CD163L1: variants seen among roughly 807,000 people sequenced by gnomAD.
CD163L1 encodes the protein CD163 molecule like 1, also known as scavenger receptor cysteine-rich type 1 protein M160.
A neutral mutation model predicts 165.4 loss-of-function variants in CD163L1; 124 were observed. The observed-to-expected ratio is 0.75, with a 90% CI of 0.65 to 0.87. CD163L1 has a LOEUF of 0.87. CD163L1 is among the 40% of genes least tolerant of loss of function. The pLI is 0.00. For missense variants in CD163L1, 1,525 were observed against 1,799.9 expected, an observed-to-expected ratio of 0.85 and a Z score of 2.76; for synonymous variants, 585 against 662.2, an observed-to-expected ratio of 0.88 and a Z score of 1.79.
chr12:7,378,960 T>A lies in CD163L1; in HGVS notation c.2371+18A>T, dbSNP rs1947327116. ...ATAAATAATTAAATAAATGTGTTTA[T>A]CTTTGTCCAGAAATTACCTGAGCAG... is the stretch of plus-strand genomic sequence containing the variant. On this transcript the variant is annotated intron_variant, in intron 9 of 19. Transcript: ENST00000313599. 1 of 1,585,032 alleles carries A rather than the reference T, an allele frequency of 6.3e-7. No homozygotes were observed. Among genetic ancestry groups the A allele is most frequent in the African/African-American group, 1.4e-5 (1 of 73,934 alleles).
At chr12:7,381,053 C>T (rs919776886) in intron 8 of CD163L1, among the ~76,000 whole-genome samples, 6 of 152,010 alleles carry the variant, frequency 3.9e-5, no homozygotes, top group African/African-American at 1.4e-4. Flanking sequence ...TAATTAAAAA[C>T]TATAAATGGT....
chr12:7,401,621 T>C (rs1947916866), intron 6 of CD163L1, among the ~76,000 whole-genome samples: 2 of 152,098 alleles, frequency 1.3e-5, no homozygotes, highest in Non-Finnish European at 2.9e-5. Context: ...AAATAAATTA[T>C]AGTACATTTA....
chr12:7,370,534 A>G (rs1261257662), intron 14 of CD163L1, among the ~76,000 whole-genome samples: 3 of 152,210 alleles, frequency 2.0e-5, no homozygotes, highest in Non-Finnish European at 4.4e-5. Context: ...GTTTCAGTAG[A>G]TAATTAACTT....
At chr12:7,396,444 T>C in intron 7 of CD163L1, 29 bp from the exon 8 acceptor site, 1 of 1,559,390 alleles carries the variant, frequency 6.4e-7, no homozygotes, top group Non-Finnish European at 8.7e-7. Context: ...AGCAAGTAGT[T>C]AATGGGTGTG....
Position 7,374,705 on chromosome 12 carries a change from A to G in CD163L1, c.3146T>C (p.Val1049Ala). 6.2e-7 allele frequency: 1 copy of G among 1,613,378 alleles called. No individual in the cohort carries two copies. The highest frequency in any genetic ancestry group is 8.5e-7 in the Non-Finnish European group (1 of 1,179,862). The change falls in exon 13 of 20, where the codon GTA becomes GCA. Residue 1049 changes from valine (V) to alanine (A), a missense_variant. Physicochemically the swap from Val to Ala is moderately conservative, Grantham distance 64 (BLOSUM62 0). Transcript: ENST00000313599. The surrounding 1 kb of genome is among the most constrained non-coding windows in gnomAD (Gnocchi z 5.4). ...VDGDSRCAGR[V>A]EIYHDGFWGT... ...CCAGAAGCCGTCGTGATAGATCTCT[A>G]CTCTCCCGGCACAGCGGCTGTCCCC...
intron 4 of CD163L1, among the ~76,000 whole-genome samples, chr12:7,416,289 T>C (rs1383888163): frequency 6.6e-6 from 1 of 152,078 alleles, no homozygotes; most frequent in Non-Finnish European, 1.5e-5. Context: ...TTTGATTTGC[T>C]TGAATTCCTT....
rs189017093 is a variant in CD163L1 at position 7,369,277 on chromosome 12, A to G, written c.4039+80T>C. The G allele has an allele frequency of 4.4e-5, 62 of 1,424,456 alleles. No homozygotes were observed. The highest frequency in any genetic ancestry group is 9.1e-5 in the East Asian group (4 of 43,838). 88.2% of individuals were successfully genotyped at this position (1,424,456 alleles called of 1,614,324 possible). A position where few individuals can be genotyped will look rare whatever the true frequency, so the allele number is the denominator to read the frequency against. On this transcript the variant is annotated intron_variant, in intron 15 of 19. Transcript: ENST00000313599. This position sits in a 1 kb window ranked among gnomAD's most constrained non-coding sequence, Gnocchi z 4.9. ...AAGAAATCCTAGTATCTTCAGCTCA[A>G]CTCTCTGAGTGAGCCTGTTTCCCAG...
In CD163L1 at chr12:7,403,697, C is replaced by T. The variant is rs151328196; in HGVS notation, c.1246G>A (p.Val416Ile). ...VCKQLGCPFSVFGSRRAKPSN... is the reference protein window; with the variant it reads ...VCKQLGCPFSIFGSRRAKPSN... ...GGTTTAGCACGACGACTGCCAAAGA[C>T]GCTGAACGGACATCCTAGCTGCTTA... Residue 416 changes from valine to isoleucine, a missense_variant, in exon 6 of 20, where the codon GTC (valine) becomes ATC (isoleucine). Physicochemically the swap from Val to Ile is conservative, Grantham distance 29. Coordinates refer to ENST00000313599, the MANE Select transcript of CD163L1 (RefSeq NM_174941.6). 49 of 1,614,080 alleles carry T rather than the reference C, an allele frequency of 3.0e-5. 1 individual carries two copies. In the Middle Eastern group the frequency reaches 1.5e-3, roughly 49 times the overall value.
intron 4 of CD163L1, among the ~76,000 whole-genome samples, chr12:7,428,803 A>T (rs1948585137): frequency 6.6e-6 from 1 of 152,116 alleles, no homozygotes; most frequent in Non-Finnish European, 1.5e-5. Flanking sequence ...GTGAAAATAT[A>T]AAACTAACTT....
chr12:7,360,874 T>C (rs1946876514), intron 18 of CD163L1, among the ~76,000 whole-genome samples: 1 of 152,170 alleles, frequency 6.6e-6, no homozygotes. Flanking sequence ...GTATGTTGGA[T>C]ATTTTGAATA....
At chr12:7,384,815 G>A (rs931958000) in intron 8 of CD163L1, among the ~76,000 whole-genome samples, 3 of 151,954 alleles carry the variant, frequency 2.0e-5, no homozygotes, top group Admixed American at 6.6e-5. Flanking sequence ...ATCTGGAAGT[G>A]TATATCATCA....
rs1340437378 is a variant in CD163L1, at chr12:7,354,969, G to A, written c.*186C>T. On this transcript the variant is annotated 3_prime_UTR_variant, in exon 20 of 20. Coordinates refer to ENST00000313599, the MANE Select transcript of CD163L1 (RefSeq NM_174941.6). ...ACAAACATTCAGTCCATTTAACAGTGATATACATAATTCAATTTTTATTAT... is the reference window on the plus strand; with the variant it reads ...ACAAACATTCAGTCCATTTAACAGTAATATACATAATTCAATTTTTATTAT... The A allele has an allele frequency of 2.0e-5, 3 of 152,194 alleles. No homozygotes were observed. The highest frequency in any genetic ancestry group is 6.8e-3 in the Middle Eastern group (2 of 294). 9.4% of individuals were successfully genotyped at this position (152,194 alleles called of 1,614,324 possible). A position where few individuals can be genotyped will look rare whatever the true frequency, so the allele number is the denominator to read the frequency against.
At chr12:7,403,406 A>G (rs1947950824) in intron 6 of CD163L1, 129 bp downstream of exon 6, 1 of 829,592 alleles carries the variant, frequency 1.2e-6, no homozygotes. Flanking sequence ...TTCTTTGTGC[A>G]GCTTAAGAGT....
intron 7 of CD163L1, among the ~76,000 whole-genome samples, chr12:7,396,953 G>A (rs562663757): frequency 6.2e-4 from 94 of 152,222 alleles, no homozygotes; most frequent in Non-Finnish European, 1.3e-3. Context: ...AGTGGTTCTA[G>A]AGGAACAAAA....
At chr12:7,385,837 C>T (rs954425646) in intron 8 of CD163L1, among the ~76,000 whole-genome samples, 8 of 151,564 alleles carry the variant, frequency 5.3e-5, no homozygotes, top group African/African-American at 1.9e-4. Flanking sequence ...CATACCAAAG[C>T]CTATGGGATA....
rs759325027 is a variant in CD163L1 at position 7,374,569 on chromosome 12, C to T, written c.3282G>A (p.Gly1094=). ...GGTCATCCAGCCAGATGGGCCCTGACCCCTCCCCAAAGTGAGCAGAGACCG... is the reference window on the plus strand; with the variant it reads ...GGTCATCCAGCCAGATGGGCCCTGATCCCTCCCCAAAGTGAGCAGAGACCG... ...NATVSAHFGE[G]SGPIWLDDLN... The change falls in exon 13 of 20, where the codon GGG becomes GGA. Residue 1094 remains glycine, a synonymous_variant. Coordinates refer to ENST00000313599, the MANE Select transcript of CD163L1 (RefSeq NM_174941.6). The surrounding 1 kb of genome is among the most constrained non-coding windows in gnomAD (Gnocchi z 5.4). The T allele has an allele frequency of 1.2e-6, 2 of 1,614,202 alleles. No homozygotes were observed. The highest frequency in any genetic ancestry group is 1.1e-5 in the South Asian group (1 of 91,076).
intron 4 of CD163L1, among the ~76,000 whole-genome samples, chr12:7,425,356 T>G (rs750160323): frequency 6.6e-6 from 1 of 152,264 alleles, no homozygotes; most frequent in South Asian, 2.1e-4. Flanking sequence ...AAGACTTAAA[T>G]GTAAAACCTA....
chr12:7,422,700 CATGTATATATGTGTATAT>C (rs1347303888), intron 4 of CD163L1, among the ~76,000 whole-genome samples: 2 of 146,838 alleles, frequency 1.4e-5, no homozygotes, highest in Non-Finnish European at 3.0e-5. Context: ...CATATATATA[CATGTATATATGTGTATAT>C]ATGTATATGA....
chr12:7,322,633 G>A, the CD163L1 span: 2 of 1,465,776 alleles, frequency 1.4e-6, no homozygotes, highest in South Asian at 1.4e-5. Context: ...CCATCCCACT[G>A]TAAATTTTTA....
Sources: gnomAD v4.1 joint callset for allele counts (sites outside exome capture counted in the v4.1 genomes callset) on GRCh38, gnomAD v4.1.1 for gene constraint, Gnocchi (gnomAD v3.1) non-coding constraint, MANE v1.5 for transcripts, NCBI Gene and HGNC (gene_info 2026-07-23, HGNC 2026-07-21) for gene names.